ST6GALNAC3: variants seen among roughly 807,000 people sequenced by gnomAD.
ST6GALNAC3 encodes alpha-N-acetylgalactosaminide alpha-2,6-sialyltransferase 3.
Under a neutral mutation model 32.7 loss-of-function variants are expected in ST6GALNAC3, and 25 were observed. The ratio of observed to expected loss-of-function variants is 0.76; its 90% CI spans 0.56 to 1.07. ST6GALNAC3 has a LOEUF of 1.07. Among genes scored for constraint, ST6GALNAC3 ranks in the 50% least tolerant of loss-of-function variants. The probability of loss-of-function intolerance (pLI) is 0.00; values close to 1 mark genes in which losing one functional copy is unlikely to be tolerated. For synonymous variants in ST6GALNAC3, 129 were observed against 133.1 expected (o/e 0.97, Z 0.21); for missense variants, 355 against 382.4 (o/e 0.93, Z 0.60).
intron 3 of ST6GALNAC3, among the ~76,000 whole-genome samples, chr1:76,590,967 T>C (rs1647038284): frequency 6.6e-6 from 1 of 152,158 alleles, no homozygotes; most frequent in Non-Finnish European, 1.5e-5. Flanking sequence ...GTTGAACTTA[T>C]GGTTTGGAAA....
At chr1:76,150,662 CGTT>C (rs67525947) in intron 1 of ST6GALNAC3, among the ~76,000 whole-genome samples, 17,227 of 152,116 alleles carry the variant, frequency 0.11, 987 homozygotes, top group African/African-American at 0.13. Context: ...TTCTGTGAAA[CGTT>C]GTCAGATGTG....
downstream of ST6GALNAC3, among the ~76,000 whole-genome samples, chr1:76,635,317 A>G (rs1264523532): frequency 3.3e-5 from 5 of 152,202 alleles, no homozygotes; most frequent in Non-Finnish European, 7.3e-5. Context: ...ATCCAACTCT[A>G]TAAGAGATCC....
chr1:76,523,885 C>T (rs1255722622), intron 3 of ST6GALNAC3, among the ~76,000 whole-genome samples: 2 of 152,138 alleles, frequency 1.3e-5, no homozygotes, highest in South Asian at 2.1e-4. Context: ...GTGTCCCCAA[C>T]GGTGCCCCCT....
Position 76,074,780 on chromosome 1 carries a change from C to G in ST6GALNAC3, c.-87C>G. 6.9e-7 allele frequency: 1 copy of G among 1,456,858 alleles called. No homozygotes were observed. The allele number at this position is 1,456,858 out of a possible 1,614,324, so 90.2% of individuals were successfully genotyped here. ...GGAATGTGGGCTGGAGAGGTCCTGC[C>G]GTGGTACCAGCCTCCAGCCTGCCCC... On this transcript the variant is annotated 5_prime_UTR_variant, in exon 1 of 5. Coordinates refer to ENST00000328299, the MANE Select transcript of ST6GALNAC3 (RefSeq NM_152996.4).
At chr1:76,111,855 G>A (rs1183678111) in intron 1 of ST6GALNAC3, among the ~76,000 whole-genome samples, 1 of 151,924 alleles carries the variant, frequency 6.6e-6, no homozygotes, top group African/African-American at 2.4e-5. Flanking sequence ...CACAGACACG[G>A]CAACCATCTG....
In ST6GALNAC3 at chr1:76,132,648, C is replaced by T. The variant is rs116271919; in HGVS notation, c.18+57764C>T. Among the ~76,000 whole-genome samples the T allele has an allele frequency of 7.5e-3, 1,137 of 152,288 alleles. 11 individuals carry two copies. Among genetic ancestry groups the T allele is most frequent in the African/African-American group, 0.026 (1,096 of 41,556 alleles). On this transcript the variant is annotated intron_variant, in intron 1 of 4. Transcript: ENST00000328299. ...GGACCACTTGTAGAGGTCTCTACTG[C>T]TCAGGTCTCATCCACAGCTACAGTG...
chr1:76,439,957 GATTAA>G (rs1448284229), intron 3 of ST6GALNAC3, among the ~76,000 whole-genome samples: 2 of 152,078 alleles, frequency 1.3e-5, no homozygotes, highest in African/African-American at 2.4e-5. Context: ...TTGTAGTAAA[GATTAA>G]ATTAGTTTAT....
chr1:76,167,671 T>C (rs922940394), intron 1 of ST6GALNAC3, among the ~76,000 whole-genome samples: 1 of 152,154 alleles, frequency 6.6e-6, no homozygotes, highest in South Asian at 2.1e-4. Context: ...CGGAGCTCAT[T>C]ATTGTCTGTT....
intron 3 of ST6GALNAC3, among the ~76,000 whole-genome samples, chr1:76,559,932 G>A (rs1665149219): frequency 6.6e-6 from 1 of 152,036 alleles, no homozygotes; most frequent in Non-Finnish European, 1.5e-5. Flanking sequence ...AAAGGTCAAG[G>A]ATAGCATAAA....
intron 3 of ST6GALNAC3, among the ~76,000 whole-genome samples, chr1:76,604,581 T>G (rs1647401852): frequency 6.6e-6 from 1 of 152,184 alleles, no homozygotes. Flanking sequence ...CTTCTCAATC[T>G]CTTTGCCTCC....
At chr1:76,471,342 T>A (rs542112190) in intron 3 of ST6GALNAC3, among the ~76,000 whole-genome samples, 1 of 152,270 alleles carries the variant, frequency 6.6e-6, no homozygotes, top group Non-Finnish European at 1.5e-5. Context: ...CACTTACTGT[T>A]TGTTTAACAA....
At chr1:76,326,629 G>A (rs990589302) in intron 2 of ST6GALNAC3, among the ~76,000 whole-genome samples, 1 of 151,584 alleles carries the variant, frequency 6.6e-6, no homozygotes, top group Non-Finnish European at 1.5e-5. Context: ...GACTTCCTGT[G>A]GTATCTAGTA....
intron 1 of ST6GALNAC3, among the ~76,000 whole-genome samples, chr1:76,186,581 C>T (rs992041293): frequency 6.6e-6 from 1 of 152,102 alleles, no homozygotes; most frequent in African/African-American, 2.4e-5. Context: ...AATGCAGGTC[C>T]GTCTTTGTAC....
intron 2 of ST6GALNAC3, among the ~76,000 whole-genome samples, chr1:76,314,796 G>C (rs2100900413): frequency 6.6e-6 from 1 of 152,148 alleles, no homozygotes; most frequent in East Asian, 1.9e-4. Flanking sequence ...GTTTGAAATT[G>C]TTGGTAACAA....
At chr1:76,389,061 G>A (rs10873884) in intron 2 of ST6GALNAC3, among the ~76,000 whole-genome samples, 139,754 of 141,760 alleles carry the variant, frequency 0.99, 68,930 homozygotes, top group Middle Eastern at 1. Flanking sequence ...CCTAGGCTGG[G>A]GTGCAATGAT....
intron 1 of ST6GALNAC3, among the ~76,000 whole-genome samples, chr1:76,295,889 A>G (rs925371599): frequency 1.3e-5 from 2 of 152,182 alleles, no homozygotes; most frequent in Non-Finnish European, 2.9e-5. Flanking sequence ...TACTATAGGG[A>G]GGGATCTTTC....
chr1:76,511,149 C>T (rs1249158846), intron 3 of ST6GALNAC3, among the ~76,000 whole-genome samples: 1 of 152,080 alleles, frequency 6.6e-6, no homozygotes, highest in East Asian at 1.9e-4. Context: ...AGTGTCCCTG[C>T]CCTCTACTCT....
At chr1:76,078,448 T>A (rs910722234) in intron 1 of ST6GALNAC3, among the ~76,000 whole-genome samples, 7 of 152,122 alleles carry the variant, frequency 4.6e-5, no homozygotes, top group African/African-American at 1.7e-4. Flanking sequence ...GATCACTTCA[T>A]AATCATTTAA....
intron 4 of ST6GALNAC3, 28 bp downstream of exon 4, chr1:76,627,587 C>T: frequency 1.4e-6 from 2 of 1,477,872 alleles, no homozygotes; most frequent in Non-Finnish European, 1.9e-6. Context: ...TATTTTTATG[C>T]AGCTCCAATT....
Sources: gnomAD v4.1 joint callset for allele counts (sites outside exome capture counted in the v4.1 genomes callset) on GRCh38, gnomAD v4.1.1 for gene constraint, MANE v1.5 for transcripts, NCBI Gene and HGNC (gene_info 2026-07-23, HGNC 2026-07-21) for gene names.